Variants in CCDC149 observed in about 807,000 individuals in gnomAD.
CCDC149 encodes the protein coiled-coil domain-containing protein 149.
CCDC149 carries 45 observed loss-of-function variants against 59.9 expected under a neutral mutation model. The ratio of observed to expected loss-of-function variants is 0.75; its 90% confidence interval spans 0.59 to 0.96. CCDC149 has a LOEUF of 0.96. Ranked by LOEUF, CCDC149 falls within the 40% of genes least tolerant of loss-of-function variation. The pLI, the probability that CCDC149 is intolerant of heterozygous loss-of-function variation, is 0.00. For synonymous variants in CCDC149, 245 were observed against 260.6 expected (o/e 0.94, Z 0.58); for missense variants, 584 against 664.7 (o/e 0.88, Z 1.33).
intron 10 of CCDC149, among the ~76,000 whole-genome samples, chr4:24,821,320 C>A (rs1219310122): frequency 6.6e-6 from 1 of 151,812 alleles, no homozygotes; most frequent in East Asian, 1.9e-4. Flanking sequence ...TCTCACTGTA[C>A]AAATACACGA....
intron 1 of CCDC149, among the ~76,000 whole-genome samples, chr4:24,948,715 C>T (rs928071996): frequency 6.6e-6 from 1 of 152,136 alleles, no homozygotes; most frequent in Admixed American, 6.5e-5. Flanking sequence ...CAGAATCATC[C>T]GTGATATGGT....
intron 1 of CCDC149, among the ~76,000 whole-genome samples, chr4:24,950,542 C>A (rs1306277702): frequency 1.3e-5 from 2 of 152,118 alleles, no homozygotes; most frequent in Non-Finnish European, 2.9e-5. Flanking sequence ...GTGGAGAATC[C>A]CAGCCTTTGG....
upstream of CCDC149, among the ~76,000 whole-genome samples, chr4:24,915,390 C>T (rs143950676): frequency 2.0e-5 from 3 of 152,346 alleles, no homozygotes; most frequent in East Asian, 5.8e-4. Flanking sequence ...AAGCCCATTC[C>T]AGTTTCCACA....
At chr4:24,901,115 T>C (rs1383678443) in intron 1 of CCDC149, among the ~76,000 whole-genome samples, 1 of 152,158 alleles carries the variant, frequency 6.6e-6, no homozygotes, top group Non-Finnish European at 1.5e-5. Flanking sequence ...CCCTGAACAG[T>C]ATTAGGATGT....
In CCDC149 at chr4:24,808,418, C is replaced by T. The variant is rs78457808; in HGVS notation, c.1594G>A (p.Gly532Arg). The T allele has an allele frequency of 1.3e-3, 1,869 of 1,458,146 alleles. 15 individuals carry two copies. The African/African-American group carries it at 0.02, about 16-fold the overall frequency. 90.3% of individuals were successfully genotyped at this position (1,458,146 alleles called of 1,614,324 possible). A position where few individuals can be genotyped will look rare whatever the true frequency, so the allele number is the denominator to read the frequency against. Residue 532 changes from glycine to arginine, a missense_variant, in exon 13 of 13, where the codon GGA becomes AGA. Coordinates refer to ENST00000635206, the MANE Select transcript of CCDC149 (RefSeq NM_001330643.2). ...GTTTTCACGGTGCTCCTCATGCCTC[C>T]GCCCTCTGGGATCCCTTTGCCGTCT...
At chr4:24,925,404 G>A (rs1722410840) in intron 1 of CCDC149, among the ~76,000 whole-genome samples, 1 of 152,116 alleles carries the variant, frequency 6.6e-6, no homozygotes, top group Non-Finnish European at 1.5e-5. Context: ...TAAAAGACTG[G>A]GGGTGGGGTA....
At chr4:24,873,812 A>G (rs1339959011) in intron 2 of CCDC149, 93 bp from the exon 3 acceptor site, 3 of 921,874 alleles carry the variant, frequency 3.3e-6, no homozygotes, top group Admixed American at 2.1e-5. Flanking sequence ...CTAAATGTAG[A>G]CTCTCCCCAC....
Position 24,819,878 on chromosome 4 carries a change from G to A in CCDC149, c.1173C>T (p.Asn391=). The A allele has an allele frequency of 6.4e-7, 1 of 1,551,534 alleles. No homozygotes were observed. The highest frequency in any genetic ancestry group is 8.7e-7 in the Non-Finnish European group (1 of 1,146,836). The stretch of plus-strand genomic sequence containing the variant: ...GCTTACCATCCTTGGGATCTGCTTT[G>A]TTCTCAGTGGGCTGCTCGACAAACT... The change falls in exon 12 of 13, where the codon AAC becomes AAT. Residue 391 remains asparagine (N), a synonymous_variant. Coordinates refer to ENST00000635206, the MANE Select transcript of CCDC149 (RefSeq NM_001330643.2).
At chr4:24,964,489 G>T (rs1723740665) in intron 1 of CCDC149, among the ~76,000 whole-genome samples, 1 of 152,034 alleles carries the variant, frequency 6.6e-6, no homozygotes, top group Non-Finnish European at 1.5e-5. Context: ...TAAATAACAT[G>T]GGTCAATTAA....
intron 1 of CCDC149, among the ~76,000 whole-genome samples, chr4:24,882,385 T>C (rs1719901767): frequency 6.6e-6 from 1 of 152,218 alleles, no homozygotes; most frequent in Non-Finnish European, 1.5e-5. Context: ...CTGTAAGCTA[T>C]AGTTGGCCTC....
intron 1 of CCDC149, among the ~76,000 whole-genome samples, chr4:24,939,779 G>A (rs557322245): frequency 1.1e-4 from 17 of 152,170 alleles, no homozygotes; most frequent in African/African-American, 3.4e-4. Context: ...GCGATCAAGT[G>A]GAAGAAAGGG....
At chr4:24,836,204 C>G (rs1353613497) in intron 7 of CCDC149, among the ~76,000 whole-genome samples, 1 of 152,220 alleles carries the variant, frequency 6.6e-6, no homozygotes, top group Non-Finnish European at 1.5e-5. Context: ...AGTGGGCATG[C>G]CTTGCTCAGA....
chr4:24,851,252 C>A (rs1056613837), intron 4 of CCDC149, among the ~76,000 whole-genome samples: 5 of 152,186 alleles, frequency 3.3e-5, no homozygotes, highest in Non-Finnish European at 4.4e-5. Context: ...CACACACATG[C>A]CCTCCTTTTC....
At chr4:24,976,021 G>A (rs1724175900) in intron 1 of CCDC149, among the ~76,000 whole-genome samples, 1 of 146,584 alleles carries the variant, frequency 6.8e-6, no homozygotes, top group African/African-American at 2.5e-5. Context: ...AAGAGGGGAA[G>A]GGAGGGAAGG....
chr4:24,936,774 A>T (rs1577493957), intron 1 of CCDC149, among the ~76,000 whole-genome samples: 1 of 152,300 alleles, frequency 6.6e-6, no homozygotes, highest in Admixed American at 6.5e-5. Flanking sequence ...AGAACCTGAG[A>T]GTGGGAAAGG....
rs149165922 is a variant in CCDC149, at chr4:24,858,515, C to T, written c.265-5336G>A. On this transcript the variant is annotated intron_variant, in intron 3 of 12. Coordinates refer to ENST00000635206, the MANE Select transcript of CCDC149 (RefSeq NM_001330643.2). ...ACGTGTAGAATCCATATATTTAAGTCACTCTTTCTAGCTAGGAGTTTATTA... is the reference window on the plus strand; with the variant it reads ...ACGTGTAGAATCCATATATTTAAGTTACTCTTTCTAGCTAGGAGTTTATTA... Among the ~76,000 whole-genome samples, 1,229 of 152,198 alleles carry T rather than the reference C, an allele frequency of 8.1e-3. 17 individuals carry two copies. The highest frequency in any genetic ancestry group is 0.028 in the African/African-American group (1,171 of 41,508).
At chr4:24,955,814 A>T (rs934131457) in intron 1 of CCDC149, among the ~76,000 whole-genome samples, 4 of 152,210 alleles carry the variant, frequency 2.6e-5, no homozygotes, top group African/African-American at 9.7e-5. Flanking sequence ...CAATGGTATT[A>T]AAAAATATTA....
chr4:24,884,599 T>C (rs143955405), intron 1 of CCDC149, among the ~76,000 whole-genome samples: 3 of 152,276 alleles, frequency 2.0e-5, no homozygotes, highest in Admixed American at 2.0e-4. Flanking sequence ...AAAAGCAGTT[T>C]AGACTAATGG....
chr4:24,968,093 C>T (rs914343323), intron 1 of CCDC149, among the ~76,000 whole-genome samples: 5 of 152,202 alleles, frequency 3.3e-5, no homozygotes, highest in African/African-American at 4.8e-5. Flanking sequence ...GGCAGCCAAA[C>T]GGGCTATTCA....
Sources: allele counts gnomAD v4.1 joint callset (sites outside exome capture counted in the v4.1 genomes callset), GRCh38; gene constraint gnomAD v4.1.1; transcripts MANE v1.5; gene names NCBI Gene and HGNC (gene_info 2026-07-23, HGNC 2026-07-21).